NMNAT3: variants seen among roughly 807,000 people sequenced by gnomAD.
NMNAT3 encodes nicotinamide nucleotide adenylyltransferase 3.
In NMNAT3, 21 loss-of-function variants were observed where a neutral mutation model predicts 24.8. The observed-to-expected ratio is 0.85, with a 90% CI of 0.60 to 1.22. NMNAT3 has a LOEUF of 1.22. NMNAT3 is among the 50% of genes most tolerant of loss of function. The pLI is 0.00. For synonymous variants in NMNAT3, 136 were observed against 155.2 expected (o/e 0.88, Z 0.92); for missense variants, 387 against 436.6 (o/e 0.89, Z 1.01).
At chr3:139,633,984 TC>T (rs2108331459) in intron 2 of NMNAT3, among the ~76,000 whole-genome samples, 1 of 152,290 alleles carries the variant, frequency 6.6e-6, no homozygotes, top group Admixed American at 6.5e-5. Context: ...CCAGCTGCCC[TC>T]AGGTCTTTCT....
chr3:139,629,233 A>G (rs1432885189), intron 2 of NMNAT3, among the ~76,000 whole-genome samples: 1 of 152,134 alleles, frequency 6.6e-6, no homozygotes, highest in Non-Finnish European at 1.5e-5. Context: ...GGAGATGCCC[A>G]TGGGCCCAGG....
intron 6 of NMNAT3, chr3:139,568,779 G>T (rs1382979092): frequency 6.6e-6 from 1 of 152,174 alleles, no homozygotes; most frequent in East Asian, 1.9e-4. Context: ...GTCAATTTTG[G>T]AGTAGGTGTG....
intron 4 of NMNAT3, among the ~76,000 whole-genome samples, chr3:139,581,395 A>G (rs1203848232): frequency 6.6e-6 from 1 of 151,364 alleles, no homozygotes; most frequent in African/African-American, 2.4e-5. Flanking sequence ...CACAAGTGTC[A>G]TAGCAACTTT....
At position 139,620,400 on chromosome 3, in the gene NMNAT3, AT is replaced by A. The variant is rs541452610; in HGVS notation, c.109+7215del. Among the ~76,000 whole-genome samples the A allele has an allele frequency of 5.6e-3, 852 of 152,212 alleles. 13 individuals are homozygous for A. The highest frequency in any genetic ancestry group is 0.019 in the African/African-American group (797 of 41,530). ...TGTAGATTAATTTATATTTTCTAGA[AT>A]TTTATGTAAACAGAATTCATATACT... On this transcript the variant is annotated intron_variant, in intron 3 of 6. Transcript: ENST00000643695.
chr3:139,667,192 G>T (rs1325221225), intron 1 of NMNAT3, among the ~76,000 whole-genome samples: 3 of 152,154 alleles, frequency 2.0e-5, no homozygotes, highest in African/African-American at 7.2e-5. Context: ...CTTCATAATG[G>T]TTGTACTAAG....
At chr3:139,606,077 C>A (rs2054930419) in intron 3 of NMNAT3, among the ~76,000 whole-genome samples, 1 of 152,168 alleles carries the variant, frequency 6.6e-6, no homozygotes, top group Non-Finnish European at 1.5e-5. Flanking sequence ...TATTCAGCTT[C>A]TACTAATGTT....
intron 2 of NMNAT3, among the ~76,000 whole-genome samples, chr3:139,631,344 A>G (rs2108322392): frequency 6.6e-6 from 1 of 152,342 alleles, no homozygotes. Flanking sequence ...GAATCACTCC[A>G]GGGATCCACC....
chr3:139,616,941 T>G (rs952523250), intron 3 of NMNAT3, among the ~76,000 whole-genome samples: 8 of 152,216 alleles, frequency 5.3e-5, no homozygotes, highest in Non-Finnish European at 1.0e-4. Context: ...GCTCTGTGCC[T>G]CCTGGTCACT....
intron 1 of NMNAT3, among the ~76,000 whole-genome samples, chr3:139,666,831 T>C (rs749232929): frequency 1.8e-4 from 28 of 152,220 alleles, no homozygotes; most frequent in Non-Finnish European, 4.1e-4. Flanking sequence ...AGTGAGAACA[T>C]GCAATAATTT....
chr3:139,618,666 A>C (rs1452635964), intron 3 of NMNAT3, among the ~76,000 whole-genome samples: 2 of 152,248 alleles, frequency 1.3e-5, no homozygotes, highest in Non-Finnish European at 2.9e-5. Context: ...TACTTTTCTT[A>C]ATGAAAAAAG....
At chr3:139,562,232 C>G (rs990828949) in intron 6 of NMNAT3, among the ~76,000 whole-genome samples, 3 of 152,162 alleles carry the variant, frequency 2.0e-5, no homozygotes, top group Non-Finnish European at 4.4e-5. Context: ...AGTCAGGTGT[C>G]AAACCCAGGC....
intron 5 of NMNAT3, among the ~76,000 whole-genome samples, chr3:139,577,532 G>A (rs1013337783): frequency 3.9e-5 from 6 of 152,188 alleles, no homozygotes; most frequent in Non-Finnish European, 2.9e-5. Context: ...AGGAGCAAGC[G>A]TCTGTTTCTG....
intron 1 of NMNAT3, among the ~76,000 whole-genome samples, chr3:139,638,588 G>C (rs900589539): frequency 1.3e-5 from 2 of 152,192 alleles, no homozygotes; most frequent in African/African-American, 4.8e-5. Flanking sequence ...CCCTTGACTT[G>C]AGAGTCTGTC....
chr3:139,609,363 G>A (rs2055090446), intron 3 of NMNAT3, among the ~76,000 whole-genome samples: 1 of 152,214 alleles, frequency 6.6e-6, no homozygotes, highest in Admixed American at 6.5e-5. Flanking sequence ...GCAATTATAA[G>A]AGGTGCAGTT....
upstream of NMNAT3, chr3:139,677,994 C>G (rs1481134560): frequency 6.6e-6 from 1 of 152,022 alleles, no homozygotes; most frequent in African/African-American, 2.4e-5. Flanking sequence ...ATCTGCGCCC[C>G]GCCCCTTCGC....
intron 3 of NMNAT3, among the ~76,000 whole-genome samples, chr3:139,622,753 T>C (rs897991214): frequency 6.9e-6 from 1 of 143,962 alleles, no homozygotes; most frequent in African/African-American, 2.6e-5. Context: ...AGTGTGTGTG[T>C]ATATATATCA....
At chr3:139,672,984 C>T (rs2057807051) in intron 1 of NMNAT3, among the ~76,000 whole-genome samples, 1 of 152,206 alleles carries the variant, frequency 6.6e-6, no homozygotes, top group East Asian at 1.9e-4. Flanking sequence ...CCAGCTCACC[C>T]TGCCACAGCT....
intron 4 of NMNAT3, among the ~76,000 whole-genome samples, chr3:139,581,512 T>C (rs1476118102): frequency 6.6e-6 from 1 of 152,122 alleles, no homozygotes; most frequent in Admixed American, 6.5e-5. Context: ...TACTTGGCAA[T>C]AAATGTATGA....
chr3:139,564,383 G>C (rs1043786712), intron 6 of NMNAT3, among the ~76,000 whole-genome samples: 1 of 152,186 alleles, frequency 6.6e-6, no homozygotes, highest in African/African-American at 2.4e-5. Context: ...GGAACATTCA[G>C]TATAAAACGG....
Sources: gnomAD v4.1 joint callset for allele counts (sites outside exome capture counted in the v4.1 genomes callset) on GRCh38, gnomAD v4.1.1 for gene constraint, MANE v1.5 for transcripts, NCBI Gene and HGNC (gene_info 2026-07-23, HGNC 2026-07-21) for gene names.